MTA3: variants seen among roughly 807,000 people sequenced by gnomAD.
MTA3 encodes metastasis associated 1 family member 3, also known as metastasis-associated protein MTA3.
In MTA3, 34 loss-of-function variants were observed where a neutral mutation model predicts 83.5. The observed-to-expected ratio is 0.41, with a 90% CI of 0.31 to 0.54. The LOEUF (loss-of-function observed/expected upper bound fraction) is 0.54. Ranked by LOEUF, MTA3 falls within the 20% of genes least tolerant of loss-of-function variation. MTA3 has a pLI of 0.33. For missense variants in MTA3, 761 were observed against 726.4 expected, an observed-to-expected ratio of 1.05 and a Z score of -0.55; for synonymous variants, 303 against 252.7, an observed-to-expected ratio of 1.20 and a Z score of -1.89.
At chr2:42,596,946 C>T (rs2103973235) in intron 3 of MTA3, among the ~76,000 whole-genome samples, 1 of 152,072 alleles carries the variant, frequency 6.6e-6, no homozygotes, top group East Asian at 1.9e-4. Context: ...GCTCTGTCGC[C>T]CAGGCTGGAG....
intron 4 of MTA3, among the ~76,000 whole-genome samples, chr2:42,627,725 A>ATTTTTTTTTTTTTTTTT (rs869227831): frequency 2.9e-5 from 3 of 103,386 alleles, no homozygotes; most frequent in Admixed American, 1.2e-4. Context: ...GCCTGGCTAA[A>ATTTTTTTTTTTTTTTTT]TTTTTTTTTT....
intron 9 of MTA3, 76 bp downstream of exon 9, chr2:42,682,665 G>A: frequency 7.6e-7 from 1 of 1,322,632 alleles, no homozygotes; most frequent in Non-Finnish European, 1.0e-6. Context: ...AAACCTTACA[G>A]TATTCATTTA....
At chr2:42,612,615 A>G (rs548853315) in intron 4 of MTA3, among the ~76,000 whole-genome samples, 1 of 152,278 alleles carries the variant, frequency 6.6e-6, no homozygotes, top group African/African-American at 2.4e-5. Context: ...TAATCCCAGC[A>G]CTTTGTGAGC....
chr2:42,746,369 C>G (rs955849805), intron 16 of MTA3, among the ~76,000 whole-genome samples: 1 of 152,186 alleles, frequency 6.6e-6, no homozygotes, highest in Non-Finnish European at 1.5e-5. Flanking sequence ...TTTCTGTTCT[C>G]TCACTGAACA....
At chr2:42,623,934 T>C (rs1467967134) in intron 4 of MTA3, among the ~76,000 whole-genome samples, 1 of 152,024 alleles carries the variant, frequency 6.6e-6, no homozygotes, top group African/African-American at 2.4e-5. Context: ...TTAGGTGTGA[T>C]CCACCGACCT....
intron 16 of MTA3, 62 bp downstream of exon 16, chr2:42,723,097 G>T: frequency 1.3e-6 from 2 of 1,494,368 alleles, no homozygotes; most frequent in Non-Finnish European, 1.8e-6. Flanking sequence ...TCAGGCATGT[G>T]TCTGCCACAT....
At chr2:42,511,276 C>CT (rs1231985069) in intron 2 of MTA3, among the ~76,000 whole-genome samples, 12 of 150,426 alleles carry the variant, frequency 8.0e-5, no homozygotes, top group Admixed American at 5.3e-4. Context: ...ATTTAAAATA[C>CT]TTTTTTTTTC....
intron 11 of MTA3, among the ~76,000 whole-genome samples, chr2:42,701,025 G>A (rs943348212): frequency 2.6e-5 from 4 of 152,086 alleles, no homozygotes; most frequent in Non-Finnish European, 5.9e-5. Flanking sequence ...TTGAACCTGG[G>A]GGTTTGATGC....
At chr2:42,598,613 T>A (rs1167840593) in intron 3 of MTA3, among the ~76,000 whole-genome samples, 1 of 152,190 alleles carries the variant, frequency 6.6e-6, no homozygotes, top group Non-Finnish European at 1.5e-5. Flanking sequence ...CTCCTTAAAA[T>A]TTATTTTGGA....
chr2:42,534,265 G>A (rs1676117332), intron 2 of MTA3, among the ~76,000 whole-genome samples: 1 of 152,124 alleles, frequency 6.6e-6, no homozygotes, highest in African/African-American at 2.4e-5. Flanking sequence ...ACACTTCAGT[G>A]CCCACCCTAG....
At chr2:42,676,408 G>A (rs764769299) in intron 8 of MTA3, among the ~76,000 whole-genome samples, 7 of 152,220 alleles carry the variant, frequency 4.6e-5, no homozygotes, top group East Asian at 1.9e-4. Flanking sequence ...AGTGGTTGGT[G>A]TAGCATCAGC....
At chr2:42,510,078 C>T (rs1240049946) in intron 2 of MTA3, among the ~76,000 whole-genome samples, 5 of 152,126 alleles carry the variant, frequency 3.3e-5, no homozygotes, top group Non-Finnish European at 7.3e-5. Context: ...GTAATCCCAG[C>T]ACTTTGGGGG....
chr2:42,592,470 G>A (rs757947178), intron 3 of MTA3, among the ~76,000 whole-genome samples: 2 of 152,078 alleles, frequency 1.3e-5, no homozygotes, highest in Non-Finnish European at 2.9e-5. Flanking sequence ...TGTGGTCCCA[G>A]CTACTCGGGA....
At chr2:42,556,510 G>A (rs972205955) in intron 2 of MTA3, among the ~76,000 whole-genome samples, 3 of 152,200 alleles carry the variant, frequency 2.0e-5, no homozygotes, top group African/African-American at 7.2e-5. Flanking sequence ...TGGGAGCCAT[G>A]CTGACACCAG....
At position 42,500,055 on chromosome 2, in the gene MTA3, G is replaced by C. The variant is rs558239733; in HGVS notation, c.-141+4801G>C. Among the ~76,000 whole-genome samples the C allele has an allele frequency of 8.6e-4, 130 of 151,940 alleles. 3 individuals carry two copies. The highest frequency in any genetic ancestry group is 2.7e-3 in the African/African-American group (111 of 41,436). Reference sequence around the variant, plus strand: ...AGGCAGAGGCAGGTGGATCATTTGAGGTCAGGAGTTTGAGACCAGCCTGGG... The same window carrying C: ...AGGCAGAGGCAGGTGGATCATTTGACGTCAGGAGTTTGAGACCAGCCTGGG... On this transcript the variant is annotated intron_variant, in intron 2 of 17. Transcript: ENST00000405592.
At chr2:42,593,739 C>G (rs1190458923) in intron 3 of MTA3, among the ~76,000 whole-genome samples, 2 of 151,778 alleles carry the variant, frequency 1.3e-5, no homozygotes, top group Non-Finnish European at 2.9e-5. Flanking sequence ...GAGTTTTGCT[C>G]TGTACACTAC....
intron 3 of MTA3, among the ~76,000 whole-genome samples, chr2:42,581,075 G>A (rs1179046879): frequency 6.7e-6 from 1 of 149,322 alleles, no homozygotes; most frequent in Non-Finnish European, 1.5e-5. Flanking sequence ...AATTCTTACT[G>A]TATTTTCTCC....
At chr2:42,610,110 C>G (rs913837915) in intron 4 of MTA3, among the ~76,000 whole-genome samples, 1 of 151,344 alleles carries the variant, frequency 6.6e-6, no homozygotes, top group Non-Finnish European at 1.5e-5. Flanking sequence ...TAAAAACAAA[C>G]GAAAAAAAAC....
intron 6 of MTA3, among the ~76,000 whole-genome samples, chr2:42,654,605 C>G (rs1028279965): frequency 5.9e-5 from 9 of 152,148 alleles, no homozygotes; most frequent in African/African-American, 1.2e-4. Context: ...TCAGTCTTCT[C>G]TTGGCCCTTA....
Sources: allele counts gnomAD v4.1 joint callset (sites outside exome capture counted in the v4.1 genomes callset), GRCh38; gene constraint gnomAD v4.1.1; transcripts MANE v1.5; gene names NCBI Gene and HGNC (gene_info 2026-07-23, HGNC 2026-07-21).